The following MYO15A variants were observed in gnomAD, a reference collection of about 807,000 sequenced individuals.
The protein encoded by MYO15A is myosin XVA.
In MYO15A, 308 loss-of-function variants were observed where a neutral mutation model predicts 394.6. The ratio of observed to expected loss-of-function variants is 0.78; its 90% CI spans 0.71 to 0.86. The LOEUF (loss-of-function observed/expected upper bound fraction) is 0.86. Among genes scored for constraint, MYO15A ranks in the 40% least tolerant of loss-of-function variants. The pLI is 0.00. For missense variants in MYO15A, 4,606 were observed against 4,799.1 expected (o/e 0.96, Z 1.19); for synonymous variants, 1,957 against 2,003.8 (o/e 0.98, Z 0.62).
At position 18,121,516 on chromosome 17, in the gene MYO15A, C is replaced by T; in HGVS notation, c.2716C>T (p.His906Tyr). ...CGGGGCCTGGCGGGCGCCCCTGGAA[C>T]ACCGGGAGAGCCCGCGAGAACCCGA... ...RAGAWRAPLE[H>Y]RESPREPEDS... Residue 906 changes from histidine to tyrosine, a missense_variant, in exon 2 of 66, where the codon CAC (histidine) becomes TAC (tyrosine). His to Tyr is a moderately conservative substitution (Grantham distance 83). Transcript: ENST00000647165. The surrounding 1 kb of genome is among the most constrained non-coding windows in gnomAD (Gnocchi z 5.3). 1 of 1,558,020 alleles carries T rather than the reference C, an allele frequency of 6.4e-7. No individual in the cohort carries two copies. The highest frequency in any genetic ancestry group is 8.7e-7 in the Non-Finnish European group (1 of 1,151,652).
intron 7 of MYO15A, among the ~76,000 whole-genome samples, chr17:18,129,041 G>A (rs2046104896): frequency 1.3e-5 from 2 of 152,136 alleles, no homozygotes; most frequent in African/African-American, 2.4e-5. Context: ...AATGTTTCTT[G>A]TCTTGGCTCC....
intron 65 of MYO15A, chr17:18,177,015 T>A (rs62073615): frequency 0.18 from 27,552 of 152,166 alleles, 2,617 homozygotes; most frequent in Middle Eastern, 0.22. Context: ...CATGGGTGGG[T>A]GGGTGGATAG....
intron 1 of MYO15A, among the ~76,000 whole-genome samples, chr17:18,111,737 C>A (rs1333651483): frequency 6.6e-6 from 1 of 152,210 alleles, no homozygotes; most frequent in African/African-American, 2.4e-5. Context: ...CAGGCAGCAG[C>A]CTGTAGCAAT....
intron 50 of MYO15A, 155 bp downstream of exon 50, chr17:18,157,385 TG>T: frequency 8.9e-7 from 1 of 1,118,248 alleles, no homozygotes; most frequent in Non-Finnish European, 1.3e-6. Flanking sequence ...TATCTGTTGG[TG>T]GCCAGACAGC....
intron 34 of MYO15A, 43 bp from the exon 35 acceptor site, chr17:18,149,443 A>G (rs889563638): frequency 6.2e-7 from 1 of 1,614,080 alleles, no homozygotes. Flanking sequence ...GGTGGAAATC[A>G]TCAAGAAAAA....
In MYO15A at chr17:18,150,789, G is replaced by C. The variant is rs763259899; in HGVS notation, c.7395+24G>C. 1.9e-6 allele frequency: 3 copies of C among 1,581,940 alleles called. No individual in the cohort carries two copies. The highest frequency in any genetic ancestry group is 2.7e-5 in the African/African-American group (2 of 74,212). ...TGGTGAGTGAGGGAGGGACTGCTGG[G>C]GGGTGGAGAATGGACCTGCCTGGTC... On this transcript the variant is annotated intron_variant, in intron 37 of 65. Coordinates refer to ENST00000647165, the MANE Select transcript of MYO15A (RefSeq NM_016239.4). This position sits in a 1 kb window ranked among gnomAD's most constrained non-coding sequence, Gnocchi z 4.4.
intron 49 of MYO15A, 34 bp downstream of exon 49, chr17:18,157,099 G>C (rs866360044): frequency 6.2e-7 from 1 of 1,612,658 alleles, no homozygotes. Flanking sequence ...GGGGCAGGAG[G>C]GGGAGGCTGG....
chr17:18,155,043 AC>A, intron 45 of MYO15A, 66 bp from the exon 46 acceptor site: 2 of 1,452,270 alleles, frequency 1.4e-6, no homozygotes, highest in Non-Finnish European at 1.9e-6. Flanking sequence ...TCCCTCCCTG[AC>A]ATCCCCGAGA....
chr17:18,113,613 G>T (rs772623014), intron 1 of MYO15A, among the ~76,000 whole-genome samples: 10 of 152,124 alleles, frequency 6.6e-5, no homozygotes, highest in Non-Finnish European at 1.0e-4. Context: ...ACAAAAATTA[G>T]TCAGGCATGG....
rs1263915546 is a variant in MYO15A at position 18,148,696 on chromosome 17, G to C, written c.6765-65G>C. ...GTTTAGGGTCTGGCTTATAACCCAG[G>C]ATCTCCCCAGGTAGTGCCTGATGAC... On this transcript the variant is annotated intron_variant, in intron 32 of 65. Coordinates refer to ENST00000647165, the MANE Select transcript of MYO15A (RefSeq NM_016239.4). The surrounding 1 kb of genome is among the most constrained non-coding windows in gnomAD (Gnocchi z 4.8). The C allele has an allele frequency of 1.3e-6, 2 of 1,551,714 alleles. No homozygotes were observed. The highest frequency in any genetic ancestry group is 2.4e-5 in the East Asian group (1 of 41,086).
intron 51 of MYO15A, chr17:18,158,229 C>CG (rs1296359310): frequency 1.7e-6 from 1 of 586,262 alleles, no homozygotes; most frequent in African/African-American, 1.9e-5. Flanking sequence ...GGTGAGTGGG[C>CG]GGCTTGTGGA....
In MYO15A at chr17:18,138,850, C is replaced by T; in HGVS notation, c.5047C>T (p.His1683Tyr). ...CTTCCTACAGAAGTGCCACTACCAT[C>T]ATGGCGCCAACCCGCTCTATTCCAA... Reference protein sequence around the residue: ...HTFLQKCHYHHGANPLYSKPK... With the variant: ...HTFLQKCHYHYGANPLYSKPK... The change falls in exon 18 of 66, where the codon CAT becomes TAT. Residue 1683 changes from histidine (H) to tyrosine (Y), a missense_variant. This residue lies in a region of MYO15A where 2,776 missense variants were observed against 3,109.3 expected (regional missense o/e 0.89). Transcript: ENST00000647165. 6.2e-7 allele frequency: 1 copy of T among 1,613,910 alleles called. No homozygotes were observed. Among genetic ancestry groups the T allele is most frequent in the Non-Finnish European group, 8.5e-7 (1 of 1,179,948 alleles).
At position 18,132,084 on chromosome 17, in the gene MYO15A, G is replaced by C. The variant is rs754009958; in HGVS notation, c.4207-369G>C. Among the ~76,000 whole-genome samples, 23 of 152,154 alleles carry C rather than the reference G, an allele frequency of 1.5e-4. No homozygotes were observed. Among genetic ancestry groups the C allele is most frequent in the Admixed American group, 4.6e-4 (7 of 15,286 alleles). On this transcript the variant is annotated intron_variant, in intron 10 of 65. Transcript: ENST00000647165. The surrounding 1 kb of genome is among the most constrained non-coding windows in gnomAD (Gnocchi z 4.6). ...GTCCCAAGGGCCTAGGACAGGGCTT[G>C]GTGCACAGGAAGTGCTCAGCCATCA...
Position 18,118,825 on chromosome 17 carries a change from A to C in MYO15A, c.25A>C (p.Lys9Gln). Residue 9 changes from lysine to glutamine, a missense_variant, in exon 2 of 66, where the codon AAG becomes CAG. Lys to Gln is a moderately conservative substitution (Grantham distance 53). This residue lies in a region of MYO15A where 1,830 missense variants were observed against 1,689.7 expected (regional missense o/e 1.08). Transcript: ENST00000647165. The stretch of plus-strand genomic sequence containing the variant: ...CATGGCGAAGGAGGAAGATGAGGAG[A>C]AGAAAGCCAAGAAAGGGAAGAAGGG... Reference protein sequence around the residue: MAKEEDEEKKAKKGKKGKK... With the variant: MAKEEDEEQKAKKGKKGKK... 16 of 1,609,202 alleles carry C rather than the reference A, an allele frequency of 9.9e-6. No homozygotes were observed. The highest frequency in any genetic ancestry group is 1.4e-5 in the Non-Finnish European group (16 of 1,177,790).
intron 16 of MYO15A, 192 bp downstream of exon 16, chr17:18,137,871 T>C: frequency 1.2e-6 from 1 of 856,232 alleles, no homozygotes; most frequent in Non-Finnish European, 1.8e-6. Context: ...TGAGGTGCTG[T>C]GCTCAGAGAG....
At chr17:18,161,781 C>A (rs1380115379) in intron 57 of MYO15A, among the ~76,000 whole-genome samples, 1 of 152,088 alleles carries the variant, frequency 6.6e-6, no homozygotes, top group Non-Finnish European at 1.5e-5. Context: ...GGGCAAGAAT[C>A]CAGAGTACTG....
intron 56 of MYO15A, among the ~76,000 whole-genome samples, chr17:18,160,340 G>A (rs1275204373): frequency 6.6e-6 from 1 of 152,192 alleles, no homozygotes; most frequent in Non-Finnish European, 1.5e-5. Context: ...AAGTCAGTGA[G>A]TATGTGGCCT....
rs969421672 is a variant in MYO15A at position 18,120,978 on chromosome 17, C to G, written c.2178C>G (p.Ala726=). ...ASWWAFVEPP[A]VSPEVPPDLL... Reference sequence around the variant, plus strand: ...GGTGGGCCTTCGTGGAGCCCCCTGCCGTGAGCCCGGAGGTGCCCCCCGACC... The same window carrying G: ...GGTGGGCCTTCGTGGAGCCCCCTGCGGTGAGCCCGGAGGTGCCCCCCGACC... The change falls in exon 2 of 66, where the codon GCC becomes GCG. Residue 726 remains alanine, a synonymous_variant. Coordinates refer to ENST00000647165, the MANE Select transcript of MYO15A (RefSeq NM_016239.4). The G allele has an allele frequency of 2.7e-5, 41 of 1,498,528 alleles. No individual in the cohort carries two copies. The highest frequency in any genetic ancestry group is 2.0e-4 in the Middle Eastern group (1 of 4,970). The allele number at this position is 1,498,528 out of a possible 1,614,324, so 92.8% of individuals were successfully genotyped here.
rs1480472240 is a variant in MYO15A, at chr17:18,156,288, GCA to G, written c.8555_8556del (p.His2852ProfsTer8). On this transcript the variant is annotated frameshift_variant, in exon 48 of 66. Transcript: ENST00000647165. LOFTEE classifies it high-confidence loss of function. ...AGGTCATCCTCTTCTCAGCCCGAGC[GCA>G]CCAGGTCAAGACCCTGGTAGATGAC... ...EKVILFSARAHQVKTLVDDFI... is the reference protein window; with the variant it reads ...EKVILFSARAXQVKTLVDDFI... The G allele has an allele frequency of 6.2e-7, 1 of 1,614,016 alleles. No individual in the cohort carries two copies. Among genetic ancestry groups the G allele is most frequent in the Non-Finnish European group, 8.5e-7 (1 of 1,180,028 alleles).
Sources: allele counts gnomAD v4.1 joint callset (sites outside exome capture counted in the v4.1 genomes callset), GRCh38; gene constraint gnomAD v4.1.1; regional missense constraint gnomAD v4.1.1; non-coding constraint Gnocchi (gnomAD v3.1); transcripts MANE v1.5; gene names NCBI Gene and HGNC (gene_info 2026-07-23, HGNC 2026-07-21).